The following SAMSN1 variants were observed in gnomAD, a reference collection of about 807,000 sequenced individuals.
SAMSN1 encodes SAM domain, SH3 domain and nuclear localization signals 1.
Under a neutral mutation model 42.0 loss-of-function variants are expected in SAMSN1, and 31 were observed. The observed-to-expected ratio is 0.74, with a 90% CI of 0.55 to 1.00. The LOEUF (loss-of-function observed/expected upper bound fraction) is 1.00, where lower values mean the gene tolerates loss of function less well. Among genes scored for constraint, SAMSN1 ranks in the 50% least tolerant of loss-of-function variants. The pLI is 0.00. For missense variants in SAMSN1, 464 were observed against 439.4 expected (o/e 1.06, Z -0.50); for synonymous variants, 178 against 151.9 (o/e 1.17, Z -1.26).
At chr21:14,633,995 C>A (rs1170577042) in intron 2 of SAMSN1, among the ~76,000 whole-genome samples, 1 of 151,970 alleles carries the variant, frequency 6.6e-6, no homozygotes, top group African/African-American at 2.4e-5. Flanking sequence ...TTTATCAGTA[C>A]AAAATGCTGA....
In SAMSN1 at chr21:14,629,051, A is replaced by G. The variant is rs1983255160; in HGVS notation, c.157-13035T>C. 1.3e-5 allele frequency among the ~76,000 whole-genome samples: 2 copies of G among 152,132 alleles called. 1 individual carries two copies. The highest frequency in any genetic ancestry group is 1.3e-4 in the Admixed American group (2 of 15,268). Reference sequence around the variant, plus strand: ...TTCACTACTACCTGATACTACTTCTATGCTTGACGGCATAGATCCAAAATC... The same window carrying G: ...TTCACTACTACCTGATACTACTTCTGTGCTTGACGGCATAGATCCAAAATC... On this transcript the variant is annotated intron_variant, in intron 2 of 15. Transcript: ENST00000647101.
intron 1 of SAMSN1, among the ~76,000 whole-genome samples, chr21:14,540,731 C>T (rs1283698027): frequency 6.6e-6 from 1 of 152,170 alleles, no homozygotes; most frequent in Non-Finnish European, 1.5e-5. Flanking sequence ...GTGGCGATTC[C>T]TCAAGGATCT....
At chr21:14,569,443 T>A (rs1981222213) in intron 2 of SAMSN1, among the ~76,000 whole-genome samples, 1 of 152,218 alleles carries the variant, frequency 6.6e-6, no homozygotes, top group Non-Finnish European at 1.5e-5. Flanking sequence ...TTCCCCAATT[T>A]CCTTAGATGT....
chr21:14,542,382 G>A (rs1230368455), intron 1 of SAMSN1, among the ~76,000 whole-genome samples: 3 of 152,114 alleles, frequency 2.0e-5, no homozygotes, highest in Non-Finnish European at 4.4e-5. Context: ...GGCTAAATAA[G>A]AGTCATTCTC....
At chr21:14,617,615 T>C (rs2123335991) in intron 2 of SAMSN1, among the ~76,000 whole-genome samples, 1 of 152,334 alleles carries the variant, frequency 6.6e-6, no homozygotes, top group Non-Finnish European at 1.5e-5. Context: ...GTTTGTCGTA[T>C]GGGTTTAGGT....
chr21:14,601,785 G>C (rs1379940950), intron 6 of SAMSN1, among the ~76,000 whole-genome samples: 1 of 152,126 alleles, frequency 6.6e-6, no homozygotes, highest in East Asian at 1.9e-4. Flanking sequence ...TCAAAAGGCT[G>C]TACAACATGA....
In SAMSN1 at chr21:14,498,585, G is replaced by A. The variant is rs1432104219; in HGVS notation, c.776C>T (p.Thr259Ile). 6 of 1,571,662 alleles carry A rather than the reference G, an allele frequency of 3.8e-6. No homozygotes were observed. In the East Asian group the frequency reaches 1.4e-4, roughly 36 times the overall value. The change falls in exon 7 of 8, where the codon ACC (threonine) becomes ATC (isoleucine). Residue 259 changes from threonine to isoleucine, a missense_variant. Thr to Ile is a moderately conservative substitution (Grantham distance 89). Coordinates refer to ENST00000400566, the MANE Select transcript of SAMSN1 (RefSeq NM_022136.5). ...FLERIHLQEY[T>I]STLLLNGYET... is the part of the protein sequence containing the mutation. ...ATAACCATTGAGCAAAAGTGTTGAG[G>A]TGTATTCCTGTAAGACAAAAAATAT...
At chr21:14,572,360 G>A (rs1272469320) in intron 2 of SAMSN1, among the ~76,000 whole-genome samples, 1 of 152,110 alleles carries the variant, frequency 6.6e-6, no homozygotes, top group East Asian at 1.9e-4. Flanking sequence ...CAGTTACACA[G>A]ACAGTAAATG....
At chr21:14,569,452 G>A (rs183754611) in intron 2 of SAMSN1, among the ~76,000 whole-genome samples, 34 of 152,206 alleles carry the variant, frequency 2.2e-4, no homozygotes, top group African/African-American at 8.2e-4. Context: ...TTCCTTAGAT[G>A]TGTACAAAAA....
intron 2 of SAMSN1, among the ~76,000 whole-genome samples, chr21:14,619,226 T>A (rs1052649117): frequency 1.4e-4 from 21 of 152,378 alleles, no homozygotes; most frequent in African/African-American, 4.6e-4. Flanking sequence ...GTTTCTTGCT[T>A]TATTGCTTTG....
chr21:14,620,213 C>T (rs974007470), intron 2 of SAMSN1, among the ~76,000 whole-genome samples: 18 of 152,134 alleles, frequency 1.2e-4, no homozygotes, highest in African/African-American at 4.1e-4. Context: ...GGCTTTGTGT[C>T]CCCACCCAAA....
chr21:14,655,662 G>C (rs1983903416), intron 1 of SAMSN1, among the ~76,000 whole-genome samples: 1 of 151,570 alleles, frequency 6.6e-6, no homozygotes, highest in Non-Finnish European at 1.5e-5. Context: ...AACCTGAGTA[G>C]AGTTATTTAA....
intron 2 of SAMSN1, among the ~76,000 whole-genome samples, chr21:14,559,022 G>A (rs987998957): frequency 6.6e-6 from 1 of 152,090 alleles, no homozygotes; most frequent in African/African-American, 2.4e-5. Flanking sequence ...CCCATTGAAA[G>A]AAATTATGTC....
intron 5 of SAMSN1, among the ~76,000 whole-genome samples, chr21:14,507,486 T>A (rs187710846): frequency 1.3e-5 from 2 of 152,276 alleles, no homozygotes; most frequent in Non-Finnish European, 2.9e-5. Flanking sequence ...GGAATATGCC[T>A]AACTAAGGAG....
chr21:14,627,312 A>G (rs572958056), intron 2 of SAMSN1, among the ~76,000 whole-genome samples: 28 of 152,226 alleles, frequency 1.8e-4, no homozygotes, highest in Admixed American at 1.1e-3. Context: ...GGAGAGCTTG[A>G]TAAGACTTGG....
intron 2 of SAMSN1, among the ~76,000 whole-genome samples, chr21:14,621,858 A>G (rs529606840): frequency 1.3e-5 from 2 of 152,308 alleles, no homozygotes; most frequent in African/African-American, 4.8e-5. Context: ...GAGTAGCCTA[A>G]CTAGGAGGCA....
intron 2 of SAMSN1, among the ~76,000 whole-genome samples, chr21:14,554,687 GTTTTCT>G (rs1305796856): frequency 2.2e-5 from 3 of 134,924 alleles, no homozygotes; most frequent in Admixed American, 8.0e-5. Flanking sequence ...TAAGTCTTTT[GTTTTCT>G]TTTTCTTTTT....
intron 3 of SAMSN1, 132 bp from the exon 4 acceptor site, chr21:14,512,705 G>C: frequency 1.3e-6 from 1 of 794,560 alleles, no homozygotes; most frequent in Non-Finnish European, 2.0e-6. Context: ...AAATACAAAA[G>C]TAGTTCATCT....
chr21:14,646,855 AAAT>A (rs1359617979), intron 1 of SAMSN1, among the ~76,000 whole-genome samples: 1 of 152,202 alleles, frequency 6.6e-6, no homozygotes, highest in African/African-American at 2.4e-5. Flanking sequence ...CAGCAGGTTA[AAAT>A]AATGAGTCAT....
Sources: allele counts gnomAD v4.1 joint callset (sites outside exome capture counted in the v4.1 genomes callset), GRCh38; gene constraint gnomAD v4.1.1; transcripts MANE v1.5; gene names NCBI Gene and HGNC (gene_info 2026-07-23, HGNC 2026-07-21).